GFOD1: variants seen among roughly 807,000 people sequenced by gnomAD.
GFOD1 encodes Gfo/Idh/MocA-like oxidoreductase domain containing 1, also known as glucose-fructose oxidoreductase domain-containing protein 1.
A neutral mutation model predicts 25.4 loss-of-function variants in GFOD1; 9 were observed. The ratio of observed to expected loss-of-function variants is 0.35; its 90% CI spans 0.21 to 0.62. The LOEUF (loss-of-function observed/expected upper bound fraction) is 0.62. GFOD1 is among the 20% of genes least tolerant of loss of function. GFOD1 has a pLI of 0.72. For synonymous variants in GFOD1, 253 were observed against 245.6 expected (o/e 1.03, Z -0.28); for missense variants, 403 against 556.9 (o/e 0.72, Z 2.78).
chr6:13,412,371 G>A (rs1485220409), intron 1 of GFOD1, among the ~76,000 whole-genome samples: 2 of 152,174 alleles, frequency 1.3e-5, no homozygotes, highest in African/African-American at 2.4e-5. Context: ...ACAAGGCAAC[G>A]AGAAAGGCCT....
At chr6:13,471,046 C>T (rs1562229347) in intron 1 of GFOD1, among the ~76,000 whole-genome samples, 1 of 152,150 alleles carries the variant, frequency 6.6e-6, no homozygotes, top group East Asian at 1.9e-4. Flanking sequence ...CCTCTCCCCT[C>T]GGCTGAAGGA....
rs72062296 is a variant in GFOD1 at position 13,363,555 on chromosome 6, C to CTTTTTTTTTTTT, written c.*1176_*1187dup. On this transcript the variant is annotated 3_prime_UTR_variant, in exon 2 of 2. Transcript: ENST00000379287. ...GCAAATGCTGGAGCTAAGGAAAATC[C>CTTTTTTTTTTTT]TTTTTTTTTTTTTTTTTTTTTTTTT... The CTTTTTTTTTTTT allele has an allele frequency of 7.6e-5, 6 of 78,970 alleles. No homozygotes were observed. The highest frequency in any genetic ancestry group is 2.8e-4 in the African/African-American group (6 of 21,198). 4.9% of individuals were successfully genotyped at this position (78,970 alleles called of 1,614,324 possible). A position where few individuals can be genotyped will look rare whatever the true frequency, so the allele number is the denominator to read the frequency against.
intron 1 of GFOD1, chr6:13,469,284 T>C (rs772887085): frequency 7.6e-5 from 75 of 985,492 alleles, no homozygotes; most frequent in Non-Finnish European, 8.6e-5. Context: ...ATCTTATCCA[T>C]ACAAGAGTTT....
At chr6:13,368,048 G>A (rs145788951) in intron 1 of GFOD1, among the ~76,000 whole-genome samples, 33 of 152,338 alleles carry the variant, frequency 2.2e-4, no homozygotes, top group African/African-American at 7.5e-4. Context: ...GAGCTAAGAT[G>A]GGGTTTTGTA....
chr6:13,485,298 C>G (rs993254056), intron 1 of GFOD1, among the ~76,000 whole-genome samples: 8 of 152,180 alleles, frequency 5.3e-5, no homozygotes, highest in Non-Finnish European at 1.0e-4. Context: ...TTAAAACACA[C>G]GTATATTTCA....
chr6:13,480,569 T>C (rs1245149223), intron 1 of GFOD1, among the ~76,000 whole-genome samples: 1 of 152,096 alleles, frequency 6.6e-6, no homozygotes, highest in African/African-American at 2.4e-5. Flanking sequence ...GACTGGAGTG[T>C]AGTGGTATGA....
At chr6:13,469,277 T>C in intron 1 of GFOD1, 1 of 985,408 alleles carries the variant, frequency 1.0e-6, no homozygotes, top group Non-Finnish European at 1.2e-6. Context: ...CTTTTATATC[T>C]TATCCATACA....
rs1167775665 is a variant in GFOD1 at position 13,430,166 on chromosome 6, G to C, written c.253+56472C>G. ...TTAAAATCCAGCCAGGCCGGGAGCA[G>C]TCGCTCATGCCTGTAACCCCAGCAC... is the stretch of plus-strand genomic sequence containing the variant. On this transcript the variant is annotated intron_variant, in intron 1 of 1. Coordinates refer to ENST00000379287, the MANE Select transcript of GFOD1 (RefSeq NM_018988.4). The surrounding 1 kb of genome is among the most constrained non-coding windows in gnomAD (Gnocchi z 4.1). Among the ~76,000 whole-genome samples the C allele has an allele frequency of 2.0e-5, 3 of 152,320 alleles. No homozygotes were observed. The highest frequency in any genetic ancestry group is 2.9e-5 in the Non-Finnish European group (2 of 68,038).
intron 1 of GFOD1, among the ~76,000 whole-genome samples, chr6:13,392,665 T>C (rs1210087444): frequency 6.6e-6 from 1 of 152,122 alleles, no homozygotes; most frequent in Non-Finnish European, 1.5e-5. Context: ...TCCTCTCAGA[T>C]AACTGACTCT....
chr6:13,445,360 C>T (rs1445978679), intron 1 of GFOD1, among the ~76,000 whole-genome samples: 1 of 152,244 alleles, frequency 6.6e-6, no homozygotes, highest in Non-Finnish European at 1.5e-5. Context: ...TGGCTATAAT[C>T]TCCTATCGAT....
intron 1 of GFOD1, among the ~76,000 whole-genome samples, chr6:13,390,585 G>A (rs572302870): frequency 6.6e-6 from 1 of 152,130 alleles, no homozygotes; most frequent in South Asian, 2.1e-4. Flanking sequence ...AAATTAGCCA[G>A]ATGTGGTGGT....
intron 1 of GFOD1, among the ~76,000 whole-genome samples, chr6:13,443,990 A>G (rs547044558): frequency 1.6e-4 from 25 of 152,206 alleles, no homozygotes; most frequent in African/African-American, 6.0e-4. Context: ...AATATTTGGG[A>G]CCCAGCAATC....
At chr6:13,475,852 A>C (rs1325913652) in intron 1 of GFOD1, among the ~76,000 whole-genome samples, 1 of 152,066 alleles carries the variant, frequency 6.6e-6, no homozygotes, top group African/African-American at 2.4e-5. Context: ...TGAACCCAGA[A>C]GATGGAGGTT....
chr6:13,359,491 C>T lies in GFOD1; in HGVS notation c.*5252G>A, dbSNP rs1784915432. On this transcript the variant is annotated 3_prime_UTR_variant, in exon 2 of 2. Coordinates refer to ENST00000379287, the MANE Select transcript of GFOD1 (RefSeq NM_018988.4). ...GCAGGTGGAGGGTGAGCCAAGTAGA[C>T]CAAGCCTCAGGAAATCCCAGAGGTG... is the stretch of plus-strand genomic sequence containing the variant. The T allele has an allele frequency of 6.6e-6, 1 of 152,104 alleles. No individual in the cohort carries two copies. The highest frequency in any genetic ancestry group is 2.4e-5 in the African/African-American group (1 of 41,396). The allele number at this position is 152,104 out of a possible 1,614,324, so 9.4% of individuals were successfully genotyped here. A position where few individuals can be genotyped will look rare whatever the true frequency, so the allele number is the denominator to read the frequency against.
At chr6:13,478,552 A>C (rs1758678611) in intron 1 of GFOD1, among the ~76,000 whole-genome samples, 1 of 152,254 alleles carries the variant, frequency 6.6e-6, no homozygotes, top group Non-Finnish European at 1.5e-5. Context: ...CCACCCCTCC[A>C]GCAGGGTGGT....
chr6:13,437,409 A>G (rs1479405922), intron 1 of GFOD1, among the ~76,000 whole-genome samples: 1 of 152,192 alleles, frequency 6.6e-6, no homozygotes, highest in Non-Finnish European at 1.5e-5. Flanking sequence ...ACTTTCTGCA[A>G]GGCTAGAATT....
At chr6:13,449,023 G>A (rs1758051756) in intron 1 of GFOD1, among the ~76,000 whole-genome samples, 1 of 152,156 alleles carries the variant, frequency 6.6e-6, no homozygotes, top group Admixed American at 6.5e-5. Flanking sequence ...AACTGATTTG[G>A]TGCCTGTAAT....
chr6:13,431,947 C>T (rs1757755939), intron 1 of GFOD1, among the ~76,000 whole-genome samples: 1 of 152,208 alleles, frequency 6.6e-6, no homozygotes, highest in Non-Finnish European at 1.5e-5. Context: ...TCTCCACCCT[C>T]GGTATTCAAA....
intron 1 of GFOD1, among the ~76,000 whole-genome samples, chr6:13,401,235 G>C (rs1159479135): frequency 6.6e-6 from 1 of 152,212 alleles, no homozygotes; most frequent in Non-Finnish European, 1.5e-5. Flanking sequence ...GAGGAGACTT[G>C]AAAGGTCTAA....
Sources: allele counts gnomAD v4.1 joint callset (sites outside exome capture counted in the v4.1 genomes callset), GRCh38; gene constraint gnomAD v4.1.1; non-coding constraint Gnocchi (gnomAD v3.1); transcripts MANE v1.5; gene names NCBI Gene and HGNC (gene_info 2026-07-23, HGNC 2026-07-21).